TET1: variants seen among roughly 807,000 people sequenced by gnomAD.
TET1 encodes tet methylcytosine dioxygenase 1.
TET1 carries 13 observed loss-of-function variants against 148.7 expected under a neutral mutation model. That is an observed-to-expected ratio of 0.09 (90% CI 0.06 to 0.14). The LOEUF (loss-of-function observed/expected upper bound fraction) is 0.14, where lower values mean the gene tolerates loss of function less well. Ranked by LOEUF, TET1 falls within the 10% of genes least tolerant of loss-of-function variation. The pLI is 1.00. For missense variants in TET1, 2,182 were observed against 2,553.8 expected, an observed-to-expected ratio of 0.85 and a Z score of 3.14; for synonymous variants, 907 against 937.2, an observed-to-expected ratio of 0.97 and a Z score of 0.59.
Position 68,659,686 on chromosome 10 carries a change from CTT to C in TET1, c.4461+7096_4461+7097del, listed in dbSNP as rs2055077912. Among the ~76,000 whole-genome samples the C allele has an allele frequency of 3.3e-5, 5 of 152,144 alleles. No homozygotes were observed. The South Asian group carries it at 1.0e-3, about 31-fold the overall frequency. ...TGTCTGCTAAAGTACCATTAGTACTCTTTTTATGTTAGTTTGTTTACTTGCTT... is the reference window on the plus strand; with the variant it reads ...TGTCTGCTAAAGTACCATTAGTACTCTTTATGTTAGTTTGTTTACTTGCTT... On this transcript the variant is annotated intron_variant, in intron 6 of 11. Coordinates refer to ENST00000373644, the MANE Select transcript of TET1 (RefSeq NM_030625.3).
chr10:68,584,759 C>G (rs964408590), intron 2 of TET1, among the ~76,000 whole-genome samples: 3 of 151,964 alleles, frequency 2.0e-5, no homozygotes, highest in African/African-American at 7.3e-5. Flanking sequence ...CATTTTATTC[C>G]ATATGCAGTA....
chr10:68,660,927 G>A (rs1274664186), intron 6 of TET1, among the ~76,000 whole-genome samples: 1 of 152,114 alleles, frequency 6.6e-6, no homozygotes, highest in Non-Finnish European at 1.5e-5. Flanking sequence ...GCCTCCCAAA[G>A]TGTTGGGATT....
At chr10:68,683,832 T>C (rs935878263) in intron 10 of TET1, among the ~76,000 whole-genome samples, 2 of 152,254 alleles carry the variant, frequency 1.3e-5, no homozygotes, top group Non-Finnish European at 2.9e-5. Context: ...GTGCCAATTA[T>C]CAGCAATATT....
intron 1 of TET1, among the ~76,000 whole-genome samples, chr10:68,561,137 T>C (rs1293157410): frequency 2.0e-5 from 3 of 152,016 alleles, no homozygotes; most frequent in South Asian, 2.1e-4. Flanking sequence ...CTGGCCCCTT[T>C]GGGGAGTTGG....
intron 2 of TET1, among the ~76,000 whole-genome samples, chr10:68,600,231 C>G (rs2054036307): frequency 1.3e-5 from 2 of 152,150 alleles, no homozygotes; most frequent in African/African-American, 4.8e-5. Flanking sequence ...AGTTATGTCT[C>G]CTGTACATTG....
chr10:68,660,753 C>T (rs12251051), intron 6 of TET1, among the ~76,000 whole-genome samples: 27,592 of 151,596 alleles, frequency 0.18, 3,127 homozygotes, highest in African/African-American at 0.31. Flanking sequence ...CTCTGCCTCC[C>T]AGGTTCTAGG....
At position 68,686,665 on chromosome 10, in the gene TET1, A is replaced by G. The variant is rs766583244; in HGVS notation, c.5362A>G (p.Thr1788Ala). The G allele has an allele frequency of 5.0e-6, 8 of 1,614,110 alleles. No individual in the cohort carries two copies. The highest frequency in any genetic ancestry group is 5.9e-6 in the Non-Finnish European group (7 of 1,180,012). The change falls in exon 11 of 12, where the codon ACA becomes GCA. Residue 1788 changes from threonine to alanine, a missense_variant. Physicochemically the swap from Thr to Ala is moderately conservative, Grantham distance 58. Transcript: ENST00000373644. Reference sequence around the variant, plus strand: ...CCGAATCAAGCGGAAGAATAACTCAACAACAACAAACAACAGTAAGCCTTC... The same window carrying G: ...CCGAATCAAGCGGAAGAATAACTCAGCAACAACAAACAACAGTAAGCCTTC... ...IPRIKRKNNS[T>A]TTNNSKPSSL...
chr10:68,578,214 A>C (rs1367510165), intron 2 of TET1, among the ~76,000 whole-genome samples: 3 of 152,212 alleles, frequency 2.0e-5, no homozygotes, highest in African/African-American at 4.8e-5. Context: ...TAAACTGGGC[A>C]ACATAGCGAC....
At chr10:68,583,537 A>AC (rs2053825437) in intron 2 of TET1, among the ~76,000 whole-genome samples, 1 of 152,172 alleles carries the variant, frequency 6.6e-6, no homozygotes, top group Non-Finnish European at 1.5e-5. Context: ...TTTGCTTTTT[A>AC]CTGATTTAAT....
At chr10:68,672,798 A>T in intron 7 of TET1, 97 bp from the exon 8 acceptor site, 2 of 946,328 alleles carry the variant, frequency 2.1e-6, no homozygotes, top group African/African-American at 1.6e-5. Flanking sequence ...CCGGTTCTTT[A>T]GGCATCCATC....
At chr10:68,600,288 C>A (rs1302692443) in intron 2 of TET1, among the ~76,000 whole-genome samples, 1 of 152,174 alleles carries the variant, frequency 6.6e-6, no homozygotes, top group African/African-American at 2.4e-5. Context: ...GCCCTCGGAA[C>A]CGCCAAGAGG....
At chr10:68,583,890 A>T (rs1360293549) in intron 2 of TET1, among the ~76,000 whole-genome samples, 2 of 151,926 alleles carry the variant, frequency 1.3e-5, no homozygotes, top group African/African-American at 2.4e-5. Flanking sequence ...CAGTCTGGCG[A>T]CAGAGACTCT....
intron 3 of TET1, among the ~76,000 whole-genome samples, chr10:68,611,244 T>C (rs1589074492): frequency 6.6e-6 from 1 of 152,000 alleles, no homozygotes; most frequent in Non-Finnish European, 1.5e-5. Flanking sequence ...TGAGCTGAGA[T>C]TGTGCCACTG....
chr10:68,576,218 G>C (rs2053729273), intron 2 of TET1, among the ~76,000 whole-genome samples: 1 of 151,838 alleles, frequency 6.6e-6, no homozygotes, highest in African/African-American at 2.4e-5. Context: ...AGGAGTGGTG[G>C]TGCATGCCTG....
chr10:68,580,465 C>T (rs1164562641), intron 2 of TET1, among the ~76,000 whole-genome samples: 1 of 150,552 alleles, frequency 6.6e-6, no homozygotes, highest in Non-Finnish European at 1.5e-5. Flanking sequence ...ACTACAGGCA[C>T]ATGTCTGGCC....
At chr10:68,649,599 C>G (rs566620622) in intron 4 of TET1, among the ~76,000 whole-genome samples, 1 of 136,780 alleles carries the variant, frequency 7.3e-6, no homozygotes, top group Non-Finnish European at 1.5e-5. Flanking sequence ...CAGCGAGACT[C>G]TGTCTCAAAA....
chr10:68,655,960 A>G (rs548729329), intron 6 of TET1, among the ~76,000 whole-genome samples: 1 of 152,230 alleles, frequency 6.6e-6, no homozygotes, highest in East Asian at 1.9e-4. Flanking sequence ...TCAGATCAGC[A>G]GTGGGATTAG....
intron 2 of TET1, among the ~76,000 whole-genome samples, chr10:68,598,244 A>T (rs561992125): frequency 6.6e-6 from 1 of 152,272 alleles, no homozygotes; most frequent in East Asian, 1.9e-4. Flanking sequence ...ACAAAAAATT[A>T]GCCAGGCGTG....
intron 3 of TET1, among the ~76,000 whole-genome samples, chr10:68,644,361 C>T (rs965637819): frequency 6.6e-6 from 1 of 152,078 alleles, no homozygotes; most frequent in African/African-American, 2.4e-5. Flanking sequence ...CATCACCACA[C>T]CTGACTAATT....
Sources: allele counts gnomAD v4.1 joint callset (sites outside exome capture counted in the v4.1 genomes callset), GRCh38; gene constraint gnomAD v4.1.1; transcripts MANE v1.5; gene names NCBI Gene and HGNC (gene_info 2026-07-23, HGNC 2026-07-21).